Variants in CACNA2D1 observed in about 807,000 individuals in gnomAD.
CACNA2D1 encodes voltage-dependent calcium channel subunit alpha-2/delta-1.
CACNA2D1 carries 53 observed loss-of-function variants against 171.5 expected under a neutral mutation model. That is an observed-to-expected ratio of 0.31 (90% CI 0.25 to 0.39). The LOEUF (loss-of-function observed/expected upper bound fraction) is 0.39, where lower values mean the gene tolerates loss of function less well. CACNA2D1 is among the 10% of genes least tolerant of loss of function. The pLI is 1.00. For missense variants in CACNA2D1, 903 were observed against 1,299.8 expected (o/e 0.69, Z 4.69); for synonymous variants, 442 against 443.1 (o/e 1.00, Z 0.03).
At chr7:82,390,958 T>G (rs1825054967) in intron 1 of CACNA2D1, among the ~76,000 whole-genome samples, 1 of 152,200 alleles carries the variant, frequency 6.6e-6, no homozygotes, top group African/African-American at 2.4e-5. Context: ...CACCTCCTTT[T>G]TTTCCCCATG....
intron 5 of CACNA2D1, among the ~76,000 whole-genome samples, chr7:82,132,860 T>C (rs258704): frequency 0.29 from 43,360 of 152,094 alleles, 6,367 homozygotes; most frequent in East Asian, 0.43. Flanking sequence ...ATTAGCATTA[T>C]GTTCTAAAGC....
At chr7:82,201,581 T>G (rs577955474) in intron 3 of CACNA2D1, among the ~76,000 whole-genome samples, 20 of 152,200 alleles carry the variant, frequency 1.3e-4, no homozygotes, top group Admixed American at 1.3e-3. Context: ...AGGTGCACTC[T>G]TCCCCCAGGT....
At chr7:82,314,564 T>C (rs1814862039) in intron 3 of CACNA2D1, among the ~76,000 whole-genome samples, 1 of 152,216 alleles carries the variant, frequency 6.6e-6, no homozygotes, top group Non-Finnish European at 1.5e-5. Context: ...CTATTAGTAA[T>C]CTTACAGCTC....
At chr7:82,425,751 C>A (rs1490246738) in intron 1 of CACNA2D1, among the ~76,000 whole-genome samples, 1 of 151,150 alleles carries the variant, frequency 6.6e-6, no homozygotes. Flanking sequence ...CCGCCTCAGC[C>A]TCCCAAATTG....
chr7:82,116,293 T>C (rs1291587708), intron 6 of CACNA2D1, among the ~76,000 whole-genome samples: 1 of 150,792 alleles, frequency 6.6e-6, no homozygotes, highest in Non-Finnish European at 1.5e-5. Flanking sequence ...GAGCTGTCTT[T>C]TGGAAAATTC....
At chr7:81,983,423 G>T (rs530188483) in intron 22 of CACNA2D1, 89 bp from the exon 23 acceptor site, 3 of 939,208 alleles carry the variant, frequency 3.2e-6, no homozygotes, top group South Asian at 2.8e-5. Context: ...TTTATTCAAT[G>T]ACTTTCTTGA....
intron 4 of CACNA2D1, 51 bp downstream of exon 4, chr7:82,170,499 A>T: frequency 2.5e-6 from 3 of 1,193,334 alleles, no homozygotes; most frequent in Non-Finnish European, 3.8e-6. Context: ...GTAATTATCC[A>T]TACACAATAT....
chr7:82,275,670 C>T (rs1434659985), intron 3 of CACNA2D1, among the ~76,000 whole-genome samples: 1 of 152,034 alleles, frequency 6.6e-6, no homozygotes, highest in East Asian at 1.9e-4. Context: ...CTTCATCCTG[C>T]CAAGCTGATT....
chr7:82,365,683 T>C (rs1821613398), intron 1 of CACNA2D1, among the ~76,000 whole-genome samples: 1 of 152,382 alleles, frequency 6.6e-6, no homozygotes, highest in Non-Finnish European at 1.5e-5. Flanking sequence ...AGCTACGCTT[T>C]TGAGCCTTTC....
intron 3 of CACNA2D1, among the ~76,000 whole-genome samples, chr7:82,222,902 T>C (rs1054511957): frequency 1.9e-4 from 29 of 149,948 alleles, no homozygotes; most frequent in Admixed American, 4.0e-4. Flanking sequence ...TTCTTTCTTT[T>C]TTTTTTTTTG....
intron 6 of CACNA2D1, 34 bp downstream of exon 6, chr7:82,117,010 G>A: frequency 1.2e-6 from 2 of 1,610,144 alleles, no homozygotes; most frequent in Non-Finnish European, 1.7e-6. Flanking sequence ...CGAGAGCATG[G>A]TATTCCAACA....
chr7:82,107,804 G>A (rs1211262511), intron 6 of CACNA2D1, among the ~76,000 whole-genome samples: 6 of 151,862 alleles, frequency 4.0e-5, no homozygotes, highest in East Asian at 1.9e-4. Flanking sequence ...GGCTGGTCTC[G>A]AACTCCTGAC....
At chr7:81,951,974 T>TTTTTTTTTTTTTGTTTG (rs1554321704) in intron 38 of CACNA2D1, among the ~76,000 whole-genome samples, 2 of 147,632 alleles carry the variant, frequency 1.4e-5, no homozygotes, top group African/African-American at 5.0e-5. Flanking sequence ...AAAGTGTTTT[T>TTTTTTTTTTTTTGTTTG]TTTTTTTTTT....
At chr7:82,060,684 T>C (rs1046373162) in intron 9 of CACNA2D1, among the ~76,000 whole-genome samples, 157 bp from the exon 10 acceptor site, 4 of 152,220 alleles carry the variant, frequency 2.6e-5, no homozygotes, top group Admixed American at 6.5e-5. Context: ...TTACATTTTT[T>C]GATAGAAGTG....
intron 3 of CACNA2D1, among the ~76,000 whole-genome samples, chr7:82,207,081 C>G (rs1800074471): frequency 6.6e-6 from 1 of 152,152 alleles, no homozygotes; most frequent in Non-Finnish European, 1.5e-5. Context: ...AGAACAAGTC[C>G]TCTTCTATGG....
chr7:82,124,845 G>A (rs954593915), intron 5 of CACNA2D1, among the ~76,000 whole-genome samples: 18 of 151,936 alleles, frequency 1.2e-4, no homozygotes, highest in Admixed American at 9.9e-4. Context: ...ATCAATGTTT[G>A]ATACCTAAAA....
chr7:81,956,503 TAATAATAATTC>T (rs1793368370), intron 38 of CACNA2D1, among the ~76,000 whole-genome samples: 1 of 152,050 alleles, frequency 6.6e-6, no homozygotes, highest in African/African-American at 2.4e-5. Flanking sequence ...TTTCAGGAAT[TAATAATAATTC>T]AAATAATTGC....
chr7:82,146,146 G>T (rs2129097615), intron 4 of CACNA2D1, among the ~76,000 whole-genome samples: 1 of 151,752 alleles, frequency 6.6e-6, no homozygotes, highest in East Asian at 1.9e-4. Flanking sequence ...ATAGATCCAT[G>T]TGTCTTTACT....
chr7:82,135,060 T>C (rs888781933), intron 5 of CACNA2D1, among the ~76,000 whole-genome samples: 1 of 152,136 alleles, frequency 6.6e-6, no homozygotes, highest in Non-Finnish European at 1.5e-5. Flanking sequence ...GTTTCACATA[T>C]AAATGTAACT....
Sources: allele counts gnomAD v4.1 joint callset (sites outside exome capture counted in the v4.1 genomes callset), GRCh38; gene constraint gnomAD v4.1.1; transcripts MANE v1.5; gene names NCBI Gene and HGNC (gene_info 2026-07-23, HGNC 2026-07-21).